The following PUDP variants were observed in gnomAD, a reference collection of about 807,000 sequenced individuals.
PUDP encodes pseudouridine 5'-phosphatase, also known as pseudouridine-5'-phosphatase.
In PUDP, 8 loss-of-function variants were observed where a neutral mutation model predicts 9.4. That is an observed-to-expected ratio of 0.85 (90% confidence interval 0.50 to 1.53). The LOEUF is 1.53. PUDP is among the 40% of genes most tolerant of loss of function. PUDP has a pLI of 0.00. For missense variants in PUDP, 188 were observed against 189.7 expected, an observed-to-expected ratio of 0.99 and a Z score of 0.05; for synonymous variants, 99 against 80.7, an observed-to-expected ratio of 1.23 and a Z score of -1.22.
intron 2 of PUDP, chrX:7,084,806 G>A (rs1266982106): frequency 8.9e-6 from 1 of 112,014 alleles, no homozygotes; most frequent in East Asian, 2.8e-4. Flanking sequence ...CCTTGACGCA[G>A]CCACTCCACA....
intron 1 of PUDP, among the ~76,000 whole-genome samples, chrX:6,982,896 T>C (rs754578290): frequency 8.9e-6 from 1 of 112,431 alleles, no homozygotes; most frequent in Admixed American, 9.4e-5. Context: ...GCAAAGGCAG[T>C]ATTATTCATA....
At chrX:6,953,486 T>TA (rs1928583787) in intron 3 of PUDP, among the ~76,000 whole-genome samples, 1 of 27,090 alleles carries the variant, frequency 3.7e-5, no homozygotes. Flanking sequence ...AATACACCAC[T>TA]TTTTTTTTCA....
intron 1 of PUDP, among the ~76,000 whole-genome samples, chrX:7,040,122 G>A (rs1187691140): frequency 8.9e-6 from 1 of 112,140 alleles, no homozygotes; most frequent in Non-Finnish European, 1.9e-5. Context: ...AATTCAGCAT[G>A]GAAGAACTCT....
At chrX:6,869,564 TGACTGTGTC>T (rs1186805413) in intron 3 of PUDP, among the ~76,000 whole-genome samples, 1 of 111,706 alleles carries the variant, frequency 9.0e-6, no homozygotes, top group Non-Finnish European at 1.9e-5. Context: ...ATTCCAGCAG[TGACTGTGTC>T]AGCAAACAAG....
chrX:7,062,897 T>C (rs1369176815), intron 3 of PUDP, among the ~76,000 whole-genome samples: 3 of 106,784 alleles, frequency 2.8e-5, no homozygotes, highest in African/African-American at 1.0e-4. Context: ...ATTTTTTTTT[T>C]TTTTTTTTTT....
chrX:7,008,760 C>T (rs748690578), intron 1 of PUDP, among the ~76,000 whole-genome samples: 15 of 112,007 alleles, frequency 1.3e-4, no homozygotes, highest in African/African-American at 4.5e-4. Flanking sequence ...AAAAGTCCTG[C>T]GTTTGAAGGT....
intron 3 of PUDP, among the ~76,000 whole-genome samples, chrX:6,788,401 C>T (rs180735276): frequency 9.0e-6 from 1 of 111,637 alleles, no homozygotes; most frequent in Admixed American, 9.5e-5. Context: ...AGGATATAAC[C>T]CCATCATAAG....
chrX:6,880,448 T>C (rs1303866335), intron 3 of PUDP, among the ~76,000 whole-genome samples: 1 of 112,202 alleles, frequency 8.9e-6, no homozygotes, highest in Non-Finnish European at 1.9e-5. Context: ...TTGAAAATAT[T>C]ATCCAGCCCA....
At chrX:6,949,192 A>G (rs1928513532) in intron 3 of PUDP, among the ~76,000 whole-genome samples, 1 of 112,362 alleles carries the variant, frequency 8.9e-6, no homozygotes, top group African/African-American at 3.2e-5. Context: ...GGCCTGAGAC[A>G]AATGGCATGC....
intron 2 of PUDP, among the ~76,000 whole-genome samples, chrX:7,089,784 A>T (rs1460027545): frequency 8.9e-6 from 1 of 111,904 alleles, no homozygotes; most frequent in Non-Finnish European, 1.9e-5. Context: ...GGCTTCACAC[A>T]TATACCATGG....
At chrX:7,026,418 G>T (rs1200805822) in intron 1 of PUDP, among the ~76,000 whole-genome samples, 1 of 112,277 alleles carries the variant, frequency 8.9e-6, no homozygotes, top group East Asian at 2.8e-4. Flanking sequence ...GCCACTGATG[G>T]ATTGTTCAAT....
chrX:6,909,842 T>C (rs1452720380), intron 3 of PUDP, among the ~76,000 whole-genome samples: 3 of 112,538 alleles, frequency 2.7e-5, no homozygotes, highest in African/African-American at 9.7e-5. Flanking sequence ...GGAAAATGTG[T>C]CAAGTCCTAT....
chrX:6,932,252 C>T (rs1014773927), intron 3 of PUDP, among the ~76,000 whole-genome samples: 1 of 111,312 alleles, frequency 9.0e-6, no homozygotes, highest in Non-Finnish European at 1.9e-5. Flanking sequence ...ACCTGTGCTC[C>T]GTCATCTGTT....
intron 3 of PUDP, among the ~76,000 whole-genome samples, chrX:6,821,089 A>C (rs1371293464): frequency 9.0e-6 from 1 of 110,950 alleles, no homozygotes. Context: ...TGCAAGTTCC[A>C]ACCCTGCCAA....
At chrX:6,909,889 G>A (rs1017081646) in intron 3 of PUDP, among the ~76,000 whole-genome samples, 1 of 112,337 alleles carries the variant, frequency 8.9e-6, no homozygotes, top group African/African-American at 3.2e-5. Context: ...ACTCTGTGGG[G>A]GAGATTTCCA....
chrX:6,986,625 G>C (rs761296741), intron 1 of PUDP, among the ~76,000 whole-genome samples: 1 of 111,803 alleles, frequency 8.9e-6, no homozygotes, highest in African/African-American at 3.3e-5. Context: ...ACTGCAAAGT[G>C]GAAAACTCAA....
intron 1 of PUDP, among the ~76,000 whole-genome samples, chrX:6,978,452 T>G (rs1928985942): frequency 8.9e-6 from 1 of 112,362 alleles, no homozygotes; most frequent in Admixed American, 9.4e-5. Flanking sequence ...AGTAGCTATT[T>G]GTTTAATTTT....
intron 3 of PUDP, among the ~76,000 whole-genome samples, chrX:6,895,368 CTATT>C (rs997041898): frequency 1.4e-4 from 14 of 97,553 alleles, no homozygotes; most frequent in Admixed American, 7.0e-4. Flanking sequence ...ATTTTTAGTA[CTATT>C]TATTTATTAT....
chrX:7,099,451 C>T (rs1394023235), intron 2 of PUDP, among the ~76,000 whole-genome samples: 1 of 112,489 alleles, frequency 8.9e-6, no homozygotes, highest in Non-Finnish European at 1.9e-5. Flanking sequence ...ATAATTTAAG[C>T]CTTGGCTGAC....
Sources: allele counts gnomAD v4.1 joint callset (sites outside exome capture counted in the v4.1 genomes callset), GRCh38; gene constraint gnomAD v4.1.1; transcripts MANE v1.5; gene names NCBI Gene and HGNC (gene_info 2026-07-23, HGNC 2026-07-21).